The following SENP3 variants were observed in gnomAD, a reference collection of about 807,000 sequenced individuals.
SENP3 encodes SUMO specific peptidase 3.
A neutral mutation model predicts 66.2 loss-of-function variants in SENP3; 11 were observed. The ratio of observed to expected loss-of-function variants is 0.17; its 90% confidence interval spans 0.10 to 0.28. SENP3 has a LOEUF of 0.28. Among genes scored for constraint, SENP3 ranks in the 10% least tolerant of loss-of-function variants. The probability of loss-of-function intolerance (pLI) is 1.00; values close to 1 mark genes in which losing one functional copy is unlikely to be tolerated. For synonymous variants in SENP3, 292 were observed against 277.6 expected (o/e 1.05, Z -0.52); for missense variants, 548 against 743.7 (o/e 0.74, Z 3.06).
At chr17:7,565,306 C>A in intron 4 of SENP3, 134 bp from the exon 5 acceptor site, 1 of 1,068,198 alleles carries the variant, frequency 9.4e-7, no homozygotes, top group Non-Finnish European at 1.4e-6. Context: ...GGGCCTTTCG[C>A]AGGTCCTCAG....
rs941213291 is a variant in SENP3, at chr17:7,570,995, G to A, written c.1614+62G>A. 1 of 1,422,676 alleles carries A rather than the reference G, an allele frequency of 7.0e-7. No homozygotes were observed. The highest frequency in any genetic ancestry group is 9.8e-7 in the Non-Finnish European group (1 of 1,022,062). The allele number at this position is 1,422,676 out of a possible 1,614,324, so 88.1% of individuals were successfully genotyped here. A position where few individuals can be genotyped will look rare whatever the true frequency, so the allele number is the denominator to read the frequency against. On this transcript the variant is annotated intron_variant, in intron 10 of 10. Coordinates refer to ENST00000321337, the MANE Select transcript of SENP3 (RefSeq NM_015670.6). This position sits in a 1 kb window ranked among gnomAD's most constrained non-coding sequence, Gnocchi z 5.4. ...AGTCAGTTGGGTTAAAGGGTCGGGA[G>A]GCTGTTATGCATCCCCTCATTTGGC...
intron 6 of SENP3, chr17:7,566,015 C>A: frequency 5.0e-6 from 2 of 402,806 alleles, no homozygotes; most frequent in Non-Finnish European, 8.9e-6. Context: ...CCTATTGTAA[C>A]TATTGTAAAA....
rs1309803832 is a variant in SENP3, at chr17:7,562,975, C to G, written c.-11-91C>G. ...TTTTTCCTCTTTTCTTTATTTGCATCTGAATCCAGAGGAGGCATGGCCAGG... is the reference window on the plus strand; with the variant it reads ...TTTTTCCTCTTTTCTTTATTTGCATGTGAATCCAGAGGAGGCATGGCCAGG... On this transcript the variant is annotated intron_variant, in intron 1 of 10. Coordinates refer to ENST00000321337, the MANE Select transcript of SENP3 (RefSeq NM_015670.6). This position sits in a 1 kb window ranked among gnomAD's most constrained non-coding sequence, Gnocchi z 5.0. 1.5e-6 allele frequency: 2 copies of G among 1,327,028 alleles called. No homozygotes were observed. Among genetic ancestry groups the G allele is most frequent in the Non-Finnish European group, 1.9e-6 (2 of 1,039,104 alleles). The allele number at this position is 1,327,028 out of a possible 1,614,324, so 82.2% of individuals were successfully genotyped here. A position where few individuals can be genotyped will look rare whatever the true frequency, so the allele number is the denominator to read the frequency against.
rs775409281 is a variant in SENP3, at chr17:7,564,330, G to T, written c.716-295G>T. On this transcript the variant is annotated intron_variant, in intron 2 of 10. Coordinates refer to ENST00000321337, the MANE Select transcript of SENP3 (RefSeq NM_015670.6). ...CAATATGCTGGGTACTATGCTGGGT[G>T]TTTGGCATATAGTGGTGACAAATAT... 6 of 531,838 alleles carry T rather than the reference G, an allele frequency of 1.1e-5. No individual in the cohort carries two copies. The Admixed American group carries it at 1.3e-4, about 11-fold the overall frequency. The allele number at this position is 531,838 out of a possible 1,614,324, so 32.9% of individuals were successfully genotyped here.
chr17:7,566,453 C>T (rs998580205), intron 6 of SENP3, among the ~76,000 whole-genome samples: 2 of 151,936 alleles, frequency 1.3e-5, no homozygotes, highest in African/African-American at 4.8e-5. Flanking sequence ...GTCAGGAGTT[C>T]CAGACCAGCC....
intron 2 of SENP3, 119 bp downstream of exon 2, chr17:7,563,910 G>C: frequency 1.2e-6 from 1 of 868,482 alleles, no homozygotes; most frequent in South Asian, 1.8e-5. Flanking sequence ...GGATGGAAGA[G>C]TGCCGGCTCC....
intron 6 of SENP3, among the ~76,000 whole-genome samples, chr17:7,566,309 T>C (rs1597840167): frequency 1.5e-5 from 2 of 132,676 alleles, no homozygotes; most frequent in Non-Finnish European, 1.6e-5. Context: ...GCCATTGCAC[T>C]CCCGCCTGGG....
At chr17:7,564,366 TC>T (rs1191814175) in intron 2 of SENP3, 1 of 634,930 alleles carries the variant, frequency 1.6e-6, no homozygotes, top group East Asian at 3.1e-5. Context: ...CCCGAAGTTT[TC>T]ATTTCTAAAT....
At position 7,562,089 on chromosome 17, in the gene SENP3, G is replaced by GGGTGCTCGGCGGCGCGGCAC. The variant is rs2071220498; in HGVS notation, c.-184_-165dup. 4 of 398,432 alleles carry GGGTGCTCGGCGGCGCGGCAC rather than the reference G, an allele frequency of 1.0e-5. No homozygotes were observed. Among genetic ancestry groups the GGGTGCTCGGCGGCGCGGCAC allele is most frequent in the African/African-American group, 4.2e-5 (2 of 47,818 alleles). 24.7% of individuals were successfully genotyped at this position (398,432 alleles called of 1,614,324 possible). ...AAGCAGAGCCAGAGGCGGCGCGGCG[G>GGGTGCTCGGCGGCGCGGCAC]GGTGCTCGGCGGCGCGGCACGCGGC... On this transcript the variant is annotated 5_prime_UTR_variant, in exon 1 of 11. Coordinates refer to ENST00000321337, the MANE Select transcript of SENP3 (RefSeq NM_015670.6). The surrounding 1 kb of genome is among the most constrained non-coding windows in gnomAD (Gnocchi z 5.0).
At position 7,570,315 on chromosome 17, in the gene SENP3, CTTCTG is replaced by C; in HGVS notation, c.1342-38_1342-34del. ...AGAACCTTCATGGCAAAAGGCAAGA[CTTCTG>C]TTTGTTGTACCTGACCTGTGGCACT... On this transcript the variant is annotated intron_variant, in intron 7 of 10. Transcript: ENST00000321337. This position sits in a 1 kb window ranked among gnomAD's most constrained non-coding sequence, Gnocchi z 5.4. 6.3e-7 allele frequency: 1 copy of C among 1,597,308 alleles called. No homozygotes were observed. The highest frequency in any genetic ancestry group is 8.6e-7 in the Non-Finnish European group (1 of 1,166,866).
At position 7,570,677 on chromosome 17, in the gene SENP3, A is replaced by AT. The variant is rs777389768; in HGVS notation, c.1480-3dup. ...CATCACTTTCTTTTCCCCCATCCACATAGCATATTGCCAAGTATCTACAGG... is the reference window on the plus strand; with the variant it reads ...CATCACTTTCTTTTCCCCCATCCACATTAGCATATTGCCAAGTATCTACAGG... On this transcript the variant is annotated splice_region_variant and splice_polypyrimidine_tract_variant and intron_variant, in intron 8 of 10. Transcript: ENST00000321337. This position sits in a 1 kb window ranked among gnomAD's most constrained non-coding sequence, Gnocchi z 5.4. The AT allele has an allele frequency of 6.2e-7, 1 of 1,612,038 alleles. No individual in the cohort carries two copies. The highest frequency in any genetic ancestry group is 1.1e-5 in the South Asian group (1 of 90,662).
Position 7,565,551 on chromosome 17 carries a change from G to A in SENP3, c.1179G>A (p.Leu393=). The part of the protein sequence containing the change: ...YKRHVLTMDD[L]GTLYGQNWLN... ...GGCACGTGCTGACCATGGATGACTTGGGGACCTTGTATGGACAGAACTGGC... is the reference window on the plus strand; with the variant it reads ...GGCACGTGCTGACCATGGATGACTTAGGGACCTTGTATGGACAGAACTGGC... Residue 393 remains leucine (L), a synonymous_variant, in exon 5 of 11, where the codon TTG becomes TTA. Transcript: ENST00000321337. 1 of 1,613,902 alleles carries A rather than the reference G, an allele frequency of 6.2e-7. No homozygotes were observed. Among genetic ancestry groups the A allele is most frequent in the Non-Finnish European group, 8.5e-7 (1 of 1,179,858 alleles).
chr17:7,571,848 T>G lies in SENP3; in HGVS notation c.*365T>G, dbSNP rs1274780401. ...AGATCTTCAAACTTTTATATATATATATATATATATATATATATATATATA... is the reference window on the plus strand; with the variant it reads ...AGATCTTCAAACTTTTATATATATAGATATATATATATATATATATATATA... On this transcript the variant is annotated 3_prime_UTR_variant, in exon 11 of 11. Coordinates refer to ENST00000321337, the MANE Select transcript of SENP3 (RefSeq NM_015670.6). 6.2e-3 allele frequency: 11 copies of G among 1,788 alleles called. No individual in the cohort carries two copies. The highest frequency in any genetic ancestry group is 0.031 in the African/African-American group (11 of 352). 0.1% of individuals were successfully genotyped at this position (1,788 alleles called of 1,614,324 possible).
rs2071319872 is a variant in SENP3 at position 7,571,842 on chromosome 17, TATATATATATA to T, written c.*360_*370del. On this transcript the variant is annotated 3_prime_UTR_variant, in exon 11 of 11. Coordinates refer to ENST00000321337, the MANE Select transcript of SENP3 (RefSeq NM_015670.6). ...CCTGCCAGATCTTCAAACTTTTATATATATATATATATATATATATATATATATATATATAT... is the reference window on the plus strand; with the variant it reads ...CCTGCCAGATCTTCAAACTTTTATATTATATATATATATATATATATATAT... The T allele has an allele frequency of 6.5e-4, 13 of 19,952 alleles. No homozygotes were observed. Among genetic ancestry groups the T allele is most frequent in the South Asian group, 1.5e-3 (1 of 672 alleles). 1.2% of individuals were successfully genotyped at this position (19,952 alleles called of 1,614,324 possible).
chr17:7,567,253 C>G (rs2071275967), intron 7 of SENP3, among the ~76,000 whole-genome samples: 1 of 152,178 alleles, frequency 6.6e-6, no homozygotes, highest in South Asian at 2.1e-4. Context: ...CAGTGGCTCA[C>G]GCCTGTAATC....
In SENP3 at chr17:7,564,876, T is replaced by C; in HGVS notation, c.955+12T>C. 4 of 1,603,514 alleles carry C rather than the reference T, an allele frequency of 2.5e-6. No homozygotes were observed. Among genetic ancestry groups the C allele is most frequent in the Non-Finnish European group, 3.4e-6 (4 of 1,172,188 alleles). On this transcript the variant is annotated intron_variant, in intron 3 of 10. Coordinates refer to ENST00000321337, the MANE Select transcript of SENP3 (RefSeq NM_015670.6). ...GACCTGCGTACAGAGTAAGGAGCCC[T>C]TAAGCAACTAGCCTCTCTCCCTTCT...
In SENP3 at chr17:7,571,545, GA is replaced by G; in HGVS notation, c.*65del. The G allele has an allele frequency of 8.7e-7, 1 of 1,150,422 alleles. No individual in the cohort carries two copies. Among genetic ancestry groups the G allele is most frequent in the Non-Finnish European group, 1.3e-6 (1 of 767,234 alleles). The allele number at this position is 1,150,422 out of a possible 1,614,324, so 71.3% of individuals were successfully genotyped here. A position where few individuals can be genotyped will look rare whatever the true frequency, so the allele number is the denominator to read the frequency against. On this transcript the variant is annotated 3_prime_UTR_variant, in exon 11 of 11. Coordinates refer to ENST00000321337, the MANE Select transcript of SENP3 (RefSeq NM_015670.6). ...GGGAGACATGGGAGTCCCTTCCCAAGAAACTCCAGTTCCTTTCCTCTCTTGC... is the reference window on the plus strand; with the variant it reads ...GGGAGACATGGGAGTCCCTTCCCAAGAACTCCAGTTCCTTTCCTCTCTTGC...
chr17:7,564,893 C>T (rs764822619), intron 3 of SENP3, 29 bp downstream of exon 3: 22 of 1,602,926 alleles, frequency 1.4e-5, no homozygotes, highest in Non-Finnish European at 1.6e-5. Flanking sequence ...ACTAGCCTCT[C>T]TCCCTTCTCC....
chr17:7,564,591 C>A, intron 2 of SENP3, 34 bp from the exon 3 acceptor site: 1 of 1,612,170 alleles, frequency 6.2e-7, no homozygotes, highest in South Asian at 1.1e-5. Flanking sequence ...CCAGGCCAGT[C>A]TCTCATGCCC....
Sources: allele counts gnomAD v4.1 joint callset (sites outside exome capture counted in the v4.1 genomes callset), GRCh38; gene constraint gnomAD v4.1.1; non-coding constraint Gnocchi (gnomAD v3.1); transcripts MANE v1.5; gene names NCBI Gene and HGNC (gene_info 2026-07-23, HGNC 2026-07-21).